Variants in CUX2 observed in about 807,000 individuals in gnomAD.
CUX2 encodes the protein cut like homeobox 2.
In CUX2, 40 loss-of-function variants were observed where a neutral mutation model predicts 144.8. The ratio of observed to expected loss-of-function variants is 0.28; its 90% CI spans 0.21 to 0.36. CUX2 has a LOEUF of 0.36. CUX2 is among the 10% of genes least tolerant of loss of function. CUX2 has a pLI of 1.00. For missense variants in CUX2, 1,615 were observed against 1,994.0 expected (o/e 0.81, Z 3.62); for synonymous variants, 827 against 875.6 (o/e 0.94, Z 0.98).
intron 3 of CUX2, among the ~76,000 whole-genome samples, chr12:111,244,624 A>G (rs1360643145): frequency 6.6e-6 from 1 of 152,216 alleles, no homozygotes; most frequent in Non-Finnish European, 1.5e-5. Flanking sequence ...TTCAGGTTCA[A>G]TGTTTTTAGC....
chr12:111,169,675 C>T (rs1016713483), intron 1 of CUX2, among the ~76,000 whole-genome samples: 4 of 152,188 alleles, frequency 2.6e-5, no homozygotes, highest in Admixed American at 1.3e-4. Flanking sequence ...CTTCGCGTCA[C>T]GTTAATATGT....
chr12:111,063,335 C>T (rs143882156), intron 1 of CUX2, among the ~76,000 whole-genome samples: 48 of 152,156 alleles, frequency 3.2e-4, no homozygotes, highest in African/African-American at 1.1e-3. Flanking sequence ...AAGCAAACAC[C>T]CCCTCCCCCC....
At chr12:111,152,747 A>C (rs1373509536) in intron 1 of CUX2, among the ~76,000 whole-genome samples, 1 of 152,218 alleles carries the variant, frequency 6.6e-6, no homozygotes, top group Non-Finnish European at 1.5e-5. Flanking sequence ...CTTGGCAGGC[A>C]GGGGTGCGGT....
intron 3 of CUX2, among the ~76,000 whole-genome samples, chr12:111,248,235 C>T (rs2136271090): frequency 6.6e-6 from 1 of 152,314 alleles, no homozygotes; most frequent in South Asian, 2.1e-4. Flanking sequence ...TGTCTTCACA[C>T]CCCAGCTGGG....
chr12:111,120,697 C>G (rs1874600292), intron 1 of CUX2, among the ~76,000 whole-genome samples: 1 of 148,998 alleles, frequency 6.7e-6, no homozygotes, highest in African/African-American at 2.5e-5. Context: ...GCAACAAAAA[C>G]CAACTGGTGT....
At chr12:111,302,844 G>A (rs1886357388) in intron 9 of CUX2, among the ~76,000 whole-genome samples, 1 of 148,964 alleles carries the variant, frequency 6.7e-6, no homozygotes, top group Admixed American at 6.7e-5. Flanking sequence ...AGGTTGCAGT[G>A]AGCCAAGATT....
intron 1 of CUX2, among the ~76,000 whole-genome samples, chr12:111,089,969 G>A (rs1872464029): frequency 6.6e-6 from 1 of 152,220 alleles, no homozygotes; most frequent in Non-Finnish European, 1.5e-5. Flanking sequence ...GGGCAGAGGA[G>A]TGATGCAGGT....
chr12:111,230,451 C>T (rs2136244055), intron 3 of CUX2, among the ~76,000 whole-genome samples: 1 of 152,296 alleles, frequency 6.6e-6, no homozygotes, highest in Non-Finnish European at 1.5e-5. Context: ...ATGTCCCAGA[C>T]CTCTAAAACC....
intron 1 of CUX2, among the ~76,000 whole-genome samples, chr12:111,168,793 G>A (rs1311545686): frequency 6.6e-6 from 1 of 152,198 alleles, no homozygotes; most frequent in African/African-American, 2.4e-5. Context: ...AATAAGAAAC[G>A]CAAGTTGCTA....
chr12:111,310,082 G>A lies in CUX2; in HGVS notation c.1300G>A (p.Gly434Ser). ...SEDDSIKDSL[G>S]TEQSYPSPQQ... Reference sequence around the variant, plus strand: ...GGACGATTCCATCAAGGATTCACTGGGCACGGAGCAGTCCTACCCCTCCCC... The same window carrying A: ...GGACGATTCCATCAAGGATTCACTGAGCACGGAGCAGTCCTACCCCTCCCC... Residue 434 changes from glycine (G) to serine (S), a missense_variant, in exon 15 of 22, where the codon GGC (glycine) becomes AGC (serine). Physicochemically the swap from Gly to Ser is moderately conservative, Grantham distance 56 (BLOSUM62 0). Around this residue, in one of 12 missense-constraint regions of CUX2, gnomAD observed 8 missense variants for 27.6 expected, o/e 0.29. Coordinates refer to ENST00000261726, the MANE Select transcript of CUX2 (RefSeq NM_015267.4). This position sits in a 1 kb window ranked among gnomAD's most constrained non-coding sequence, Gnocchi z 7.9. 1 of 1,390,812 alleles carries A rather than the reference G, an allele frequency of 7.2e-7. No homozygotes were observed. The highest frequency in any genetic ancestry group is 1.8e-5 in the South Asian group (1 of 55,094). The allele number at this position is 1,390,812 out of a possible 1,614,324, so 86.2% of individuals were successfully genotyped here. A position where few individuals can be genotyped will look rare whatever the true frequency, so the allele number is the denominator to read the frequency against.
chr12:111,040,454 C>T (rs1869687229), intron 1 of CUX2, among the ~76,000 whole-genome samples: 2 of 152,076 alleles, frequency 1.3e-5, no homozygotes, highest in Admixed American at 6.6e-5. Flanking sequence ...ACACATCAAG[C>T]ATGTCCCCAC....
At chr12:111,075,961 A>C (rs1375777285) in intron 1 of CUX2, among the ~76,000 whole-genome samples, 1 of 152,216 alleles carries the variant, frequency 6.6e-6, no homozygotes, top group Non-Finnish European at 1.5e-5. Context: ...GTGCTAAGTG[A>C]ACCCTATGAG....
At chr12:111,091,369 C>CA (rs2136054831) in intron 1 of CUX2, among the ~76,000 whole-genome samples, 1 of 152,300 alleles carries the variant, frequency 6.6e-6, no homozygotes, top group Admixed American at 6.5e-5. Flanking sequence ...CCGGAGGAGA[C>CA]ACAGCTGGGG....
At chr12:111,167,150 T>C (rs528896595) in intron 1 of CUX2, among the ~76,000 whole-genome samples, 1 of 152,284 alleles carries the variant, frequency 6.6e-6, no homozygotes, top group Admixed American at 6.5e-5. Flanking sequence ...TTGCTATCCC[T>C]TGGCCTCTCT....
At chr12:111,132,442 C>A (rs1401798505) in intron 1 of CUX2, among the ~76,000 whole-genome samples, 1 of 152,046 alleles carries the variant, frequency 6.6e-6, no homozygotes, top group Non-Finnish European at 1.5e-5. Flanking sequence ...ACATTAGGCT[C>A]CTTGCTACTT....
intron 15 of CUX2, among the ~76,000 whole-genome samples, chr12:111,311,327 A>G (rs1234883764): frequency 2.0e-5 from 3 of 151,458 alleles, no homozygotes. Flanking sequence ...TCACTCTGTC[A>G]CCCAGGCTGG....
At chr12:111,187,914 C>T (rs3809295) in intron 1 of CUX2, among the ~76,000 whole-genome samples, 26,292 of 152,216 alleles carry the variant, frequency 0.17, 2,645 homozygotes, top group East Asian at 0.52. Flanking sequence ...GGCACAGCTG[C>T]CAGGCACCCT....
intron 4 of CUX2, among the ~76,000 whole-genome samples, chr12:111,281,511 C>A (rs1365905036): frequency 6.6e-6 from 1 of 152,240 alleles, no homozygotes; most frequent in Non-Finnish European, 1.5e-5. Context: ...CTGTCTCCCC[C>A]ACTGGGAAGT....
intron 1 of CUX2, among the ~76,000 whole-genome samples, chr12:111,088,560 T>A (rs1208563556): frequency 1.3e-5 from 2 of 152,112 alleles, no homozygotes; most frequent in African/African-American, 4.8e-5. Flanking sequence ...GCGGACTGAA[T>A]CCCTACGATG....
Sources: gnomAD v4.1 joint callset for allele counts (sites outside exome capture counted in the v4.1 genomes callset) on GRCh38, gnomAD v4.1.1 for gene constraint, gnomAD v4.1.1 regional missense constraint, Gnocchi (gnomAD v3.1) non-coding constraint, MANE v1.5 for transcripts, NCBI Gene and HGNC (gene_info 2026-07-23, HGNC 2026-07-21) for gene names.